LOXHD1: variants seen among roughly 807,000 people sequenced by gnomAD.
The protein encoded by LOXHD1 is lipoxygenase homology PLAT domains 1.
LOXHD1 carries 205 observed loss-of-function variants against 248.2 expected under a neutral mutation model. The ratio of observed to expected loss-of-function variants is 0.83; its 90% CI spans 0.74 to 0.93. The LOEUF (loss-of-function observed/expected upper bound fraction) is 0.93. Among genes scored for constraint, LOXHD1 ranks in the 40% least tolerant of loss-of-function variants. The probability of loss-of-function intolerance (pLI) is 0.00; values close to 1 mark genes in which losing one functional copy is unlikely to be tolerated. For missense variants in LOXHD1, 2,930 were observed against 2,971.6 expected, an observed-to-expected ratio of 0.99 and a Z score of 0.33; for synonymous variants, 1,113 against 1,162.8, an observed-to-expected ratio of 0.96 and a Z score of 0.87.
intron 12 of LOXHD1, among the ~76,000 whole-genome samples, chr18:46,586,281 T>C (rs1272710450): frequency 6.6e-6 from 1 of 152,144 alleles, no homozygotes; most frequent in Non-Finnish European, 1.5e-5. Flanking sequence ...CTAACGGGTA[T>C]GGGTTTTCTT....
At chr18:46,588,501 A>C (rs1408716538) in intron 12 of LOXHD1, among the ~76,000 whole-genome samples, 1 of 152,192 alleles carries the variant, frequency 6.6e-6, no homozygotes, top group African/African-American at 2.4e-5. Flanking sequence ...TTATACATGT[A>C]ACCTGTAGAG....
intron 31 of LOXHD1, 54 bp downstream of exon 31, chr18:46,524,412 T>C: frequency 2.0e-6 from 3 of 1,532,824 alleles, no homozygotes; most frequent in Non-Finnish European, 2.6e-6. Flanking sequence ...AGAATTGCTT[T>C]AAAACATTTC....
chr18:46,542,923 C>A, intron 23 of LOXHD1, 68 bp from the exon 24 acceptor site: 1 of 1,535,520 alleles, frequency 6.5e-7, no homozygotes, highest in Non-Finnish European at 8.8e-7. Context: ...CAGACCCAAA[C>A]CTTTAATCCC....
At chr18:46,591,852 C>T (rs1221515460) in intron 12 of LOXHD1, 81 bp downstream of exon 12, 29 of 1,500,960 alleles carry the variant, frequency 1.9e-5, no homozygotes, top group Non-Finnish European at 2.6e-5. Context: ...AGACAAGACT[C>T]TCAGCTCATA....
chr18:46,497,508 A>C (rs1487344117), intron 37 of LOXHD1, among the ~76,000 whole-genome samples: 1 of 152,206 alleles, frequency 6.6e-6, no homozygotes, highest in Non-Finnish European at 1.5e-5. Flanking sequence ...CTTAGTCATG[A>C]GTCTGAGTTT....
At chr18:46,630,771 G>T (rs755608034) in intron 4 of LOXHD1, among the ~76,000 whole-genome samples, 1 of 61,770 alleles carries the variant, frequency 1.6e-5, no homozygotes, top group Non-Finnish European at 3.1e-5. Context: ...AAGTGGGTAT[G>T]GGGGGGGGTG....
Position 46,546,994 on chromosome 18 carries a change from G to C in LOXHD1, c.3415C>G (p.Leu1139Val), listed in dbSNP as rs1254285738. ...ACATAGGACTCATCCACTGGCAACA[G>C]CTCCCTGGACAGCTGGCCATCATCT... ...EEDDGQLSRE[L>V]LPVDESYVLP... The change falls in exon 22 of 41, where the codon CTG becomes GTG. Residue 1139 changes from leucine (L) to valine (V), a missense_variant. Leu to Val is a conservative substitution (Grantham distance 32). Transcript: ENST00000642948. 6.4e-7 allele frequency: 1 copy of C among 1,551,646 alleles called. No individual in the cohort carries two copies. Among genetic ancestry groups the C allele is most frequent in the African/African-American group, 1.4e-5 (1 of 73,048 alleles).
Position 46,534,352 on chromosome 18 carries a change from G to C in LOXHD1, c.4195C>G (p.Leu1399Val). 1 of 1,551,104 alleles carries C rather than the reference G, an allele frequency of 6.4e-7. No individual in the cohort carries two copies. Among genetic ancestry groups the C allele is most frequent in the Non-Finnish European group, 8.7e-7 (1 of 1,146,476 alleles). Residue 1399 changes from leucine to valine, a missense_variant, in exon 27 of 41, where the codon CTC becomes GTC. Transcript: ENST00000642948. ...CAACTCACGTCTTTATCCGGGAGGA[G>C]CCTGCGGATGTCCACGTGAGAGCAG... ...WHCSHVDIRR[L>V]LPDKDGAETL...
At chr18:46,571,455 G>GT (rs1170339099) in intron 15 of LOXHD1, among the ~76,000 whole-genome samples, 2 of 151,954 alleles carry the variant, frequency 1.3e-5, no homozygotes, top group Admixed American at 6.6e-5. Flanking sequence ...CGTTGACAGA[G>GT]TAAGACCCTG....
chr18:46,521,069 C>T (rs1173045380), intron 33 of LOXHD1, 28 bp downstream of exon 33: 2 of 1,549,198 alleles, frequency 1.3e-6, no homozygotes, highest in South Asian at 2.4e-5. Flanking sequence ...CCTGGCCATG[C>T]ACTGCACACT....
intron 40 of LOXHD1, among the ~76,000 whole-genome samples, chr18:46,478,355 A>AT (rs1487112598): frequency 6.6e-6 from 1 of 151,732 alleles, no homozygotes; most frequent in African/African-American, 2.4e-5. Flanking sequence ...GGCCGACCCT[A>AT]TTTTTAAGAT....
chr18:46,645,634 G>C (rs7235956), intron 2 of LOXHD1, among the ~76,000 whole-genome samples: 15,955 of 152,118 alleles, frequency 0.1, 1,130 homozygotes, highest in African/African-American at 0.2. Flanking sequence ...AACTGGGGTG[G>C]GGTCGGGGTA....
At chr18:46,572,256 G>T in intron 14 of LOXHD1, 94 bp from the exon 15 acceptor site, 1 of 1,101,000 alleles carries the variant, frequency 9.1e-7, no homozygotes. Context: ...TGGAGGCCCA[G>T]AGCTTTGACT....
At chr18:46,530,314 G>A (rs1012471860) in intron 28 of LOXHD1, among the ~76,000 whole-genome samples, 26 of 152,178 alleles carry the variant, frequency 1.7e-4, no homozygotes, top group African/African-American at 6.3e-4. Flanking sequence ...CCCCTCACCT[G>A]CACACAGGGA....
chr18:46,521,551 G>A (rs2035579544), intron 32 of LOXHD1, among the ~76,000 whole-genome samples: 1 of 152,186 alleles, frequency 6.6e-6, no homozygotes, highest in Non-Finnish European at 1.5e-5. Flanking sequence ...AAGCAGAAGA[G>A]GTTGTCTCCT....
At chr18:46,625,155 C>T (rs1477693776) in intron 4 of LOXHD1, among the ~76,000 whole-genome samples, 2 of 152,130 alleles carry the variant, frequency 1.3e-5, no homozygotes, top group Non-Finnish European at 2.9e-5. Context: ...GCTGTCATTG[C>T]CCCCACCCTG....
At chr18:46,538,460 G>A (rs2036415008) in intron 25 of LOXHD1, 123 bp from the exon 26 acceptor site, 1 of 969,568 alleles carries the variant, frequency 1.0e-6, no homozygotes, top group Admixed American at 2.1e-5. Flanking sequence ...CTGCTGCCCG[G>A]GGAACTGCTG....
At chr18:46,585,375 C>A (rs669880) in intron 12 of LOXHD1, among the ~76,000 whole-genome samples, 29,810 of 151,960 alleles carry the variant, frequency 0.2, 3,452 homozygotes, top group African/African-American at 0.3. Flanking sequence ...ATACCAAAAT[C>A]GACTATATTT....
At chr18:46,529,060 G>T in intron 29 of LOXHD1, 117 bp downstream of exon 29, 1 of 1,267,954 alleles carries the variant, frequency 7.9e-7, no homozygotes, top group Non-Finnish European at 1.1e-6. Flanking sequence ...GCCCAAATGA[G>T]TGTGCACAAT....
Sources: gnomAD v4.1 joint callset for allele counts (sites outside exome capture counted in the v4.1 genomes callset) on GRCh38, gnomAD v4.1.1 for gene constraint, MANE v1.5 for transcripts, NCBI Gene and HGNC (gene_info 2026-07-23, HGNC 2026-07-21) for gene names.